TENM2: variants seen among roughly 807,000 people sequenced by gnomAD.
TENM2 encodes the protein teneurin-2.
A neutral mutation model predicts 245.2 loss-of-function variants in TENM2; 52 were observed. The observed-to-expected ratio is 0.21, with a 90% CI of 0.17 to 0.27. TENM2 has a LOEUF of 0.27. Among genes scored for constraint, TENM2 ranks in the 10% least tolerant of loss-of-function variants. The pLI is 1.00. For missense variants in TENM2, 3,046 were observed against 3,666.8 expected, an observed-to-expected ratio of 0.83 and a Z score of 4.37; for synonymous variants, 1,363 against 1,438.9, an observed-to-expected ratio of 0.95 and a Z score of 1.19.
chr5:167,406,561 G>C (rs983260831), intron 2 of TENM2, among the ~76,000 whole-genome samples: 1 of 152,054 alleles, frequency 6.6e-6, no homozygotes, highest in Non-Finnish European at 1.5e-5. Flanking sequence ...ATTATCCCTT[G>C]ATTTATAGTT....
chr5:167,224,061 G>C, the TENM2 span, among the ~76,000 whole-genome samples: 1 of 152,030 alleles, frequency 6.6e-6, no homozygotes, highest in African/African-American at 2.4e-5. Context: ...TGTTTGTGTT[G>C]TTTGAGTTCC....
At chr5:166,987,929 G>A in the TENM2 span, among the ~76,000 whole-genome samples, 1 of 152,192 alleles carries the variant, frequency 6.6e-6, no homozygotes, top group Non-Finnish European at 1.5e-5. Flanking sequence ...TGTTGAACTT[G>A]AAAGCATGTA....
chr5:167,993,078 C>A, exon 5 of TENM2: 1 of 1,614,006 alleles, frequency 6.2e-7, no homozygotes, highest in Non-Finnish European at 8.5e-7. Context: ...TCCAGGAAGG[C>A]TTTCAAGCTG....
chr5:167,292,630 A>G (rs1052758692), intron 1 of TENM2, among the ~76,000 whole-genome samples: 14 of 152,248 alleles, frequency 9.2e-5, no homozygotes, highest in African/African-American at 3.4e-4. Context: ...AATTGATTCA[A>G]AAATATTTCA....
In TENM2 at chr5:167,485,880, C is replaced by A. The variant is rs150009523; in HGVS notation, c.502+110407C>A. 4.6e-3 allele frequency among the ~76,000 whole-genome samples: 697 copies of A among 152,156 alleles called. 5 individuals carry two copies. Among genetic ancestry groups the A allele is most frequent in the African/African-American group, 0.016 (656 of 41,516 alleles). ...TATTGTCACTGAAAACCTATACAAA[C>A]CTAGGTATGCATATATGCACACATA... is the stretch of plus-strand genomic sequence containing the variant. On this transcript the variant is annotated intron_variant, in intron 2 of 28. Coordinates refer to ENST00000518659, the Ensembl canonical transcript of TENM2.
intron 12 of TENM2, among the ~76,000 whole-genome samples, chr5:168,162,169 G>A (rs1035184277): frequency 7.2e-5 from 11 of 152,020 alleles, no homozygotes; most frequent in South Asian, 2.1e-4. Context: ...GAAAGATGGC[G>A]GGCACTTTGC....
intron 12 of TENM2, among the ~76,000 whole-genome samples, chr5:168,146,939 A>C (rs1216050731): frequency 6.6e-6 from 1 of 152,144 alleles, no homozygotes; most frequent in Non-Finnish European, 1.5e-5. Flanking sequence ...CCCCCCCTTC[A>C]CCTGTCGGGA....
intron 5 of TENM2, among the ~76,000 whole-genome samples, chr5:167,999,580 T>A (rs17069547): frequency 0.15 from 22,285 of 152,214 alleles, 1,781 homozygotes; most frequent in East Asian, 0.26. Flanking sequence ...TGTGGCAATA[T>A]TTGTACCTCG....
At chr5:167,634,443 G>A (rs1011944242) in intron 2 of TENM2, among the ~76,000 whole-genome samples, 1 of 151,484 alleles carries the variant, frequency 6.6e-6, no homozygotes, top group Non-Finnish European at 1.5e-5. Context: ...CAAGCACAAA[G>A]AAGGTGCTCC....
chr5:167,811,062 T>G (rs867754211), intron 2 of TENM2, among the ~76,000 whole-genome samples: 2 of 152,142 alleles, frequency 1.3e-5, no homozygotes, highest in Non-Finnish European at 2.9e-5. Flanking sequence ...AGAAGAATCT[T>G]ACTCCAAATT....
At chr5:168,116,941 C>T (rs953759349) in intron 9 of TENM2, among the ~76,000 whole-genome samples, 1 of 152,158 alleles carries the variant, frequency 6.6e-6, no homozygotes, top group African/African-American at 2.4e-5. Context: ...CACCTGCATC[C>T]GTCATTTCTG....
chr5:167,203,473 C>G, the TENM2 span, among the ~76,000 whole-genome samples: 25 of 152,312 alleles, frequency 1.6e-4, no homozygotes, highest in African/African-American at 6.0e-4. Context: ...TAACTATCAT[C>G]ACTTTCATGA....
chr5:168,111,415 T>C (rs1794659356), intron 9 of TENM2, among the ~76,000 whole-genome samples: 1 of 152,080 alleles, frequency 6.6e-6, no homozygotes, highest in Non-Finnish European at 1.5e-5. Context: ...GTCTGAGTAC[T>C]CTGGGCAGGA....
chr5:168,071,319 C>T (rs1554190716), intron 7 of TENM2, among the ~76,000 whole-genome samples: 1 of 152,142 alleles, frequency 6.6e-6, no homozygotes, highest in Non-Finnish European at 1.5e-5. Context: ...ACACACAACC[C>T]CAAACAAACA....
chr5:168,082,929 G>T (rs920411507), intron 7 of TENM2, among the ~76,000 whole-genome samples: 1 of 152,176 alleles, frequency 6.6e-6, no homozygotes, highest in Non-Finnish European at 1.5e-5. Context: ...CAGTCTGTCT[G>T]TTCTCAGATC....
At chr5:167,302,628 GATAAGGGGTCAGGGCATGGAA>G (rs1755409079) in intron 1 of TENM2, among the ~76,000 whole-genome samples, 1 of 151,518 alleles carries the variant, frequency 6.6e-6, no homozygotes, top group Admixed American at 6.6e-5. Flanking sequence ...AGGGTGCAGA[GATAAGGGGTCAGGGCATGGAA>G]ATAAGGGACT....
chr5:167,192,298 G>A, the TENM2 span, among the ~76,000 whole-genome samples: 1 of 151,936 alleles, frequency 6.6e-6, no homozygotes, highest in Admixed American at 6.6e-5. Flanking sequence ...CTTGTGTCTC[G>A]ATTTACGTGT....
chr5:167,090,581 T>C, the TENM2 span, among the ~76,000 whole-genome samples: 1 of 152,208 alleles, frequency 6.6e-6, no homozygotes, highest in African/African-American at 2.4e-5. Flanking sequence ...AGAGAAGTGA[T>C]CTTTACTCCT....
chr5:168,181,628 A>G (rs1381363184), intron 13 of TENM2, among the ~76,000 whole-genome samples: 2 of 151,540 alleles, frequency 1.3e-5, no homozygotes, highest in South Asian at 2.1e-4. Flanking sequence ...AAAACTTCCA[A>G]CAGGTCTTCT....
Sources: gnomAD v4.1 joint callset for allele counts (sites outside exome capture counted in the v4.1 genomes callset) on GRCh38, gnomAD v4.1.1 for gene constraint, MANE v1.5 for transcripts, NCBI Gene and HGNC (gene_info 2026-07-23, HGNC 2026-07-21) for gene names.